Variants in TACC1 observed in about 807,000 individuals in gnomAD.
TACC1 encodes the protein transforming acidic coiled-coil-containing protein 1.
In TACC1, 48 loss-of-function variants were observed where a neutral mutation model predicts 84.4. That is an observed-to-expected ratio of 0.57 (90% confidence interval 0.45 to 0.72). TACC1 has a LOEUF of 0.72. Ranked by LOEUF, TACC1 falls within the 30% of genes least tolerant of loss-of-function variation. TACC1 has a pLI of 0.00. For missense variants in TACC1, 920 were observed against 973.0 expected (o/e 0.95, Z 0.72); for synonymous variants, 372 against 376.3 (o/e 0.99, Z 0.13).
In TACC1 at chr8:38,850,769, T is replaced by G. The variant is rs1832969935; in HGVS notation, c.*2746T>G. On this transcript the variant is annotated 3_prime_UTR_variant, in exon 13 of 13. Coordinates refer to ENST00000317827, the MANE Select transcript of TACC1 (RefSeq NM_006283.3). Reference sequence around the variant, plus strand: ...CTCCATCCTGGGTGACAGCAAGATCTTGTCTCAAAAAAAAAAAAAAAAAAA... The same window carrying G: ...CTCCATCCTGGGTGACAGCAAGATCGTGTCTCAAAAAAAAAAAAAAAAAAA... 1.6e-5 allele frequency: 2 copies of G among 127,310 alleles called. No homozygotes were observed. Among genetic ancestry groups the G allele is most frequent in the African/African-American group, 6.2e-5 (2 of 32,480 alleles). The allele number at this position is 127,310 out of a possible 1,614,324, so 7.9% of individuals were successfully genotyped here.
At chr8:38,847,931 A>G (rs777631200) in intron 12 of TACC1, 24 bp from the exon 13 acceptor site, 2 of 1,609,126 alleles carry the variant, frequency 1.2e-6, no homozygotes, top group Non-Finnish European at 8.5e-7. Flanking sequence ...AGTGGCCTGC[A>G]TAATTATGTC....
At chr8:38,845,409 A>G (rs1832039333) in intron 11 of TACC1, among the ~76,000 whole-genome samples, 1 of 152,182 alleles carries the variant, frequency 6.6e-6, no homozygotes, top group Admixed American at 6.5e-5. Flanking sequence ...GGTTTATTGT[A>G]TATCCCTCTA....
chr8:38,757,164 A>G (rs1810215151), intron 3 of TACC1: 1 of 855,916 alleles, frequency 1.2e-6, no homozygotes, highest in Non-Finnish European at 1.5e-6. Flanking sequence ...ATCTGAAGCC[A>G]CCTCCTTCCC....
At chr8:38,817,317 CA>C (rs1172870743) in intron 2 of TACC1, among the ~76,000 whole-genome samples, 1 of 152,194 alleles carries the variant, frequency 6.6e-6, no homozygotes, top group East Asian at 1.9e-4. Context: ...CACAAAGAAA[CA>C]ATAACACATT....
chr8:38,812,868 C>A (rs1224486613), intron 2 of TACC1, among the ~76,000 whole-genome samples: 1 of 152,178 alleles, frequency 6.6e-6, no homozygotes, highest in Non-Finnish European at 1.5e-5. Flanking sequence ...GCTGTTACGT[C>A]CCCAGTGCCA....
chr8:38,776,902 G>A (rs1203906338), intron 3 of TACC1, among the ~76,000 whole-genome samples: 1 of 152,158 alleles, frequency 6.6e-6, no homozygotes, highest in Admixed American at 6.5e-5. Flanking sequence ...AGGTTGTAAT[G>A]TGAGGGTGGA....
At chr8:38,817,046 G>A (rs974523042) in intron 2 of TACC1, among the ~76,000 whole-genome samples, 1 of 152,204 alleles carries the variant, frequency 6.6e-6, no homozygotes, top group Admixed American at 6.5e-5. Context: ...TCCAGGGGTT[G>A]TAGGAGCTCT....
chr8:38,764,262 G>A (rs1024582661), intron 3 of TACC1, among the ~76,000 whole-genome samples: 6 of 151,914 alleles, frequency 3.9e-5, no homozygotes, highest in Non-Finnish European at 8.8e-5. Context: ...ATTTTTAGTA[G>A]AGACAGGGTT....
chr8:38,814,100 G>A (rs914054487), intron 2 of TACC1, among the ~76,000 whole-genome samples: 7 of 152,130 alleles, frequency 4.6e-5, no homozygotes, highest in Admixed American at 4.6e-4. Flanking sequence ...TGTTATTTGT[G>A]TCACTTGGAT....
chr8:38,787,293 G>C lies in TACC1; in HGVS notation c.-290G>C. 2.7e-6 allele frequency: 3 copies of C among 1,123,394 alleles called. No individual in the cohort carries two copies. Among genetic ancestry groups the C allele is most frequent in the South Asian group, 4.0e-5 (1 of 25,040 alleles). 69.6% of individuals were successfully genotyped at this position (1,123,394 alleles called of 1,614,324 possible). On this transcript the variant is annotated 5_prime_UTR_variant, in exon 1 of 13. Transcript: ENST00000317827. ...GTCTAGCAGCCGGGCGCCGCGGGCC[G>C]GGGGCCTGAGGAGGCCACAGGACGG... is the stretch of plus-strand genomic sequence containing the variant.
intron 2 of TACC1, among the ~76,000 whole-genome samples, chr8:38,811,039 G>A (rs1036313991): frequency 6.6e-6 from 1 of 152,036 alleles, no homozygotes; most frequent in Non-Finnish European, 1.5e-5. Context: ...GAAAAGTTGA[G>A]CCCAGGAGGT....
At position 38,817,536 on chromosome 8, in the gene TACC1, C is replaced by T. The variant is rs547410184; in HGVS notation, c.278-1986C>T. 2.6e-5 allele frequency among the ~76,000 whole-genome samples: 4 copies of T among 152,118 alleles called. No individual in the cohort carries two copies. In the South Asian group the frequency reaches 6.2e-4, roughly 24 times the overall value. On this transcript the variant is annotated intron_variant, in intron 2 of 12. Coordinates refer to ENST00000317827, the MANE Select transcript of TACC1 (RefSeq NM_006283.3). Reference sequence around the variant, plus strand: ...ATACCTATTCCTGGACAACAGTTACCAAGATTTTGCCATACTTACTATCTC... The same window carrying T: ...ATACCTATTCCTGGACAACAGTTACTAAGATTTTGCCATACTTACTATCTC...
At chr8:38,752,233 G>A (rs1363471503) in intron 3 of TACC1, among the ~76,000 whole-genome samples, 1 of 152,188 alleles carries the variant, frequency 6.6e-6, no homozygotes, top group East Asian at 1.9e-4. Flanking sequence ...CACCTGACAG[G>A]CTGAGGCAGG....
intron 6 of TACC1, among the ~76,000 whole-genome samples, chr8:38,834,254 TCG>T (rs1029859416): frequency 2.6e-5 from 4 of 152,330 alleles, no homozygotes; most frequent in Non-Finnish European, 4.4e-5. Flanking sequence ...TTGGCAAGTC[TCG>T]GGTCCCCACT....
At chr8:38,811,286 A>G (rs1442269652) in intron 2 of TACC1, among the ~76,000 whole-genome samples, 2 of 151,340 alleles carry the variant, frequency 1.3e-5, no homozygotes, top group Admixed American at 6.6e-5. Flanking sequence ...TATTTCCTGA[A>G]TCTCACTGAA....
intron 9 of TACC1, among the ~76,000 whole-genome samples, chr8:38,841,157 G>A (rs1040532567): frequency 2.6e-5 from 4 of 152,136 alleles, no homozygotes; most frequent in African/African-American, 9.7e-5. Context: ...CTTGTTTTAC[G>A]TGTGTTCCTG....
chr8:38,731,310 T>C (rs967997448), intron 1 of TACC1, among the ~76,000 whole-genome samples: 4 of 152,168 alleles, frequency 2.6e-5, no homozygotes, highest in African/African-American at 9.7e-5. Flanking sequence ...CTCAGCTCTG[T>C]CACATTTTAG....
At chr8:38,751,936 A>G (rs1299751430) in intron 3 of TACC1, among the ~76,000 whole-genome samples, 3 of 152,210 alleles carry the variant, frequency 2.0e-5, no homozygotes, top group Admixed American at 6.5e-5. Context: ...AAAGTGCTCT[A>G]TAAGTATTAC....
chr8:38,782,173 C>G (rs1397294375), intron 3 of TACC1, among the ~76,000 whole-genome samples: 2 of 151,962 alleles, frequency 1.3e-5, no homozygotes, highest in African/African-American at 4.8e-5. Flanking sequence ...CTCACCCATC[C>G]CCCCACCCCA....
Sources: gnomAD v4.1 joint callset for allele counts (sites outside exome capture counted in the v4.1 genomes callset) on GRCh38, gnomAD v4.1.1 for gene constraint, MANE v1.5 for transcripts, NCBI Gene and HGNC (gene_info 2026-07-23, HGNC 2026-07-21) for gene names.